The following TRIM2 variants were observed in gnomAD, a reference collection of about 807,000 sequenced individuals.
The protein encoded by TRIM2 is tripartite motif containing 2, also known as tripartite motif-containing protein 2.
Under a neutral mutation model 75.2 loss-of-function variants are expected in TRIM2, and 20 were observed. That is an observed-to-expected ratio of 0.27 (90% CI 0.19 to 0.39). The LOEUF (loss-of-function observed/expected upper bound fraction) is 0.39, where lower values mean the gene tolerates loss of function less well. TRIM2 is among the 10% of genes least tolerant of loss of function. TRIM2 has a pLI of 1.00. For missense variants in TRIM2, 660 were observed against 990.8 expected, an observed-to-expected ratio of 0.67 and a Z score of 4.48; for synonymous variants, 373 against 388.3, an observed-to-expected ratio of 0.96 and a Z score of 0.46.
At chr4:153,326,979 C>CAAAAAA (rs10718802) in intron 10 of TRIM2, among the ~76,000 whole-genome samples, 3 of 98,968 alleles carry the variant, frequency 3.0e-5, no homozygotes, top group Non-Finnish European at 4.1e-5. Context: ...GACTCCATCT[C>CAAAAAA]AAAAAAAAAA....
At chr4:153,195,196 C>A (rs935425827) in intron 1 of TRIM2, among the ~76,000 whole-genome samples, 1 of 152,126 alleles carries the variant, frequency 6.6e-6, no homozygotes, top group South Asian at 2.1e-4. Flanking sequence ...GAGACAGAGA[C>A]GGGAGTTCCT....
At chr4:153,236,687 TTC>T (rs1745133014) in intron 1 of TRIM2, among the ~76,000 whole-genome samples, 2 of 149,250 alleles carry the variant, frequency 1.3e-5, no homozygotes, top group Admixed American at 1.3e-4. Flanking sequence ...TCTTTTCTTT[TTC>T]CTTTCTTTTC....
At chr4:153,254,192 G>A (rs1560891926) in intron 1 of TRIM2, among the ~76,000 whole-genome samples, 1 of 152,120 alleles carries the variant, frequency 6.6e-6, no homozygotes. Flanking sequence ...TCTTGAGCAG[G>A]GATAGGCAGA....
intron 1 of TRIM2, among the ~76,000 whole-genome samples, chr4:153,220,680 T>TTA (rs1461803602): frequency 6.6e-6 from 1 of 152,034 alleles, no homozygotes; most frequent in African/African-American, 2.4e-5. Context: ...GTAAGTTTTG[T>TTA]TATATATATT....
intron 1 of TRIM2, among the ~76,000 whole-genome samples, chr4:153,191,198 CT>C (rs1733153919): frequency 6.6e-6 from 1 of 152,204 alleles, no homozygotes; most frequent in African/African-American, 2.4e-5. Flanking sequence ...AGGATTGGTT[CT>C]TTTCCCTTAG....
intron 3 of TRIM2, among the ~76,000 whole-genome samples, chr4:153,290,119 A>G (rs1051123463): frequency 6.6e-6 from 1 of 152,234 alleles, no homozygotes; most frequent in Non-Finnish European, 1.5e-5. Flanking sequence ...AAAGAAGCTC[A>G]GCCTTGATAG....
chr4:153,327,266 CTCTT>C (rs1174391746), intron 10 of TRIM2, among the ~76,000 whole-genome samples: 7 of 152,202 alleles, frequency 4.6e-5, no homozygotes, highest in Admixed American at 2.6e-4. Flanking sequence ...GTAGCCATGA[CTCTT>C]TCTTTTTTAT....
At chr4:153,274,930 G>A (rs6833828) in intron 2 of TRIM2, among the ~76,000 whole-genome samples, 46,807 of 152,118 alleles carry the variant, frequency 0.31, 10,222 homozygotes, top group African/African-American at 0.63. Context: ...GACAAGATCA[G>A]TGAATGTCTC....
intron 1 of TRIM2, among the ~76,000 whole-genome samples, chr4:153,210,929 A>T (rs1401656927): frequency 6.6e-6 from 1 of 152,082 alleles, no homozygotes; most frequent in East Asian, 1.9e-4. Flanking sequence ...CTCTTCCCAC[A>T]CTCAACACAT....
intron 1 of TRIM2, among the ~76,000 whole-genome samples, chr4:153,233,342 G>T (rs894480649): frequency 6.6e-6 from 1 of 152,154 alleles, no homozygotes; most frequent in Admixed American, 6.5e-5. Context: ...ATTACAGGGT[G>T]GCAGGATTTA....
chr4:153,284,395 G>C (rs1223183865), intron 3 of TRIM2, among the ~76,000 whole-genome samples: 1 of 151,886 alleles, frequency 6.6e-6, no homozygotes, highest in Non-Finnish European at 1.5e-5. Flanking sequence ...TAGAGATGGG[G>C]TTTCCGCTGT....
At position 153,334,973 on chromosome 4, in the gene TRIM2, G is replaced by A. The variant is rs200098529; in HGVS notation, c.*7G>A. 1.2e-5 allele frequency: 19 copies of A among 1,609,856 alleles called. No homozygotes were observed. The highest frequency in any genetic ancestry group is 3.3e-4 in the Middle Eastern group (2 of 6,056). On this transcript the variant is annotated 3_prime_UTR_variant, in exon 12 of 12. Coordinates refer to ENST00000338700, the MANE Select transcript of TRIM2 (RefSeq NM_015271.5). ...CTATCGATACTTACAGTAATGGTGG[G>A]CAGGTGGATACCCGCTTCCATGGTC...
intron 1 of TRIM2, among the ~76,000 whole-genome samples, chr4:153,215,627 T>C (rs1428118190): frequency 6.6e-6 from 1 of 152,208 alleles, no homozygotes; most frequent in Non-Finnish European, 1.5e-5. Flanking sequence ...AGCTGTTGCC[T>C]TAGGATTTGT....
chr4:153,294,639 C>A (rs762366089), intron 5 of TRIM2, among the ~76,000 whole-genome samples, 154 bp downstream of exon 5: 1 of 152,098 alleles, frequency 6.6e-6, no homozygotes, highest in Non-Finnish European at 1.5e-5. Flanking sequence ...TATTTTTTCC[C>A]CTATTTTCAG....
chr4:153,167,476 AT>A (rs1300562320), intron 1 of TRIM2, among the ~76,000 whole-genome samples: 2 of 152,342 alleles, frequency 1.3e-5, no homozygotes, highest in East Asian at 3.9e-4. Context: ...CTGAATGAAA[AT>A]TTTATATTAC....
intron 1 of TRIM2, among the ~76,000 whole-genome samples, chr4:153,177,185 G>A (rs1471647471): frequency 6.6e-6 from 1 of 152,242 alleles, no homozygotes; most frequent in Non-Finnish European, 1.5e-5. Flanking sequence ...AAGAAAATGG[G>A]GAAGGGAACA....
chr4:153,267,218 T>A (rs551865928), intron 1 of TRIM2, among the ~76,000 whole-genome samples: 47 of 152,072 alleles, frequency 3.1e-4, no homozygotes, highest in Non-Finnish European at 5.7e-4. Flanking sequence ...GCTTCTGTAG[T>A]GCAGCCTTTT....
chr4:153,207,229 G>A (rs1053158933), intron 1 of TRIM2, among the ~76,000 whole-genome samples: 1 of 152,180 alleles, frequency 6.6e-6, no homozygotes, highest in Non-Finnish European at 1.5e-5. Flanking sequence ...TCCCTTATCT[G>A]TAAAATTCGC....
chr4:153,198,780 T>C (rs1478099957), intron 1 of TRIM2, among the ~76,000 whole-genome samples: 1 of 152,206 alleles, frequency 6.6e-6, no homozygotes, highest in Non-Finnish European at 1.5e-5. Context: ...CAGTACTGGA[T>C]ATTGAGCTAA....
Sources: gnomAD v4.1 joint callset for allele counts (sites outside exome capture counted in the v4.1 genomes callset) on GRCh38, gnomAD v4.1.1 for gene constraint, MANE v1.5 for transcripts, NCBI Gene and HGNC (gene_info 2026-07-23, HGNC 2026-07-21) for gene names.